The following CHST13 variants were observed in gnomAD, a reference collection of about 807,000 sequenced individuals.
CHST13 encodes carbohydrate sulfotransferase 13.
Under a neutral mutation model 7.0 loss-of-function variants are expected in CHST13, and 1 was observed. The ratio of observed to expected loss-of-function variants is 0.14; its 90% CI spans 0.05 to 0.68. CHST13 has a LOEUF of 0.68. Among genes scored for constraint, CHST13 ranks in the 30% least tolerant of loss-of-function variants. The pLI is 0.82. For synonymous variants in CHST13, 257 were observed against 240.9 expected (o/e 1.07, Z -0.62); for missense variants, 572 against 507.9 (o/e 1.13, Z -1.21).
At chr3:126,531,391 G>C (rs558662467) in intron 1 of CHST13, among the ~76,000 whole-genome samples, 4 of 152,360 alleles carry the variant, frequency 2.6e-5, no homozygotes, top group African/African-American at 7.2e-5. Context: ...TCTTCTTAGC[G>C]ACATTTATAG....
chr3:126,524,243 G>T lies in CHST13; in HGVS notation c.-90G>T, dbSNP rs1015702936. The T allele has an allele frequency of 1.4e-5, 15 of 1,055,134 alleles. No individual in the cohort carries two copies. Among genetic ancestry groups the T allele is most frequent in the Non-Finnish European group, 1.7e-5 (14 of 837,686 alleles). The allele number at this position is 1,055,134 out of a possible 1,614,324, so 65.4% of individuals were successfully genotyped here. A position where few individuals can be genotyped will look rare whatever the true frequency, so the allele number is the denominator to read the frequency against. On this transcript the variant is annotated 5_prime_UTR_variant, in exon 1 of 3. Transcript: ENST00000319340. ...CGCCGCGCCGCGCGTCTTGGTAGGCGCTGCGCTGCCGGGGCCGGGTCCTGG... is the reference window on the plus strand; with the variant it reads ...CGCCGCGCCGCGCGTCTTGGTAGGCTCTGCGCTGCCGGGGCCGGGTCCTGG...
chr3:126,524,656 G>T, intron 1 of CHST13, among the ~76,000 whole-genome samples: 1 of 152,226 alleles, frequency 6.6e-6, no homozygotes, highest in Non-Finnish European at 1.5e-5. Flanking sequence ...TCCCAGAGCG[G>T]TGACTGTTTT....
At chr3:126,533,684 T>C (rs72982013) in intron 1 of CHST13, among the ~76,000 whole-genome samples, 17,584 of 152,182 alleles carry the variant, frequency 0.12, 1,642 homozygotes, top group African/African-American at 0.26. Context: ...GTAGTTCCCT[T>C]TTCTTGTGAT....
intron 1 of CHST13, among the ~76,000 whole-genome samples, chr3:126,531,769 A>C (rs1317203589): frequency 6.6e-6 from 1 of 152,262 alleles, no homozygotes; most frequent in Non-Finnish European, 1.5e-5. Context: ...GCTGATGGGA[A>C]CATTTGTGAA....
chr3:126,537,932 A>G (rs1873402), intron 2 of CHST13, among the ~76,000 whole-genome samples: 152,002 of 152,306 alleles, frequency 1, 75,851 homozygotes, highest in Middle Eastern at 1. Context: ...TAGAGCCAGC[A>G]AGGAATCCAG....
At position 126,542,533 on chromosome 3, in the gene CHST13, C is replaced by T; in HGVS notation, c.981C>T (p.Phe327=). 1.3e-6 allele frequency: 2 copies of T among 1,535,876 alleles called. No individual in the cohort carries two copies. The change falls in exon 3 of 3, where the codon TTC becomes TTT. Residue 327 remains phenylalanine, a synonymous_variant. Coordinates refer to ENST00000319340, the MANE Select transcript of CHST13 (RefSeq NM_152889.3). ...RRLFDLYKMD[F]LLFNYSAPSY... ...TCTTCGACCTCTACAAGATGGACTTCCTGCTTTTCAACTACTCCGCCCCCT... is the reference window on the plus strand; with the variant it reads ...TCTTCGACCTCTACAAGATGGACTTTCTGCTTTTCAACTACTCCGCCCCCT...
chr3:126,531,096 T>G (rs1936649599), intron 1 of CHST13, among the ~76,000 whole-genome samples: 1 of 152,280 alleles, frequency 6.6e-6, no homozygotes, highest in Non-Finnish European at 1.5e-5. Context: ...ACAGACCATA[T>G]TCTGCCTGCC....
chr3:126,525,741 G>A (rs1936525601), intron 1 of CHST13, among the ~76,000 whole-genome samples: 3 of 152,104 alleles, frequency 2.0e-5, no homozygotes, highest in Non-Finnish European at 4.4e-5. Context: ...CTGAGTGCCT[G>A]GGTCCCGGGG....
chr3:126,533,947 A>G (rs955647956), intron 1 of CHST13, among the ~76,000 whole-genome samples: 22 of 152,118 alleles, frequency 1.4e-4, no homozygotes, highest in African/African-American at 5.3e-4. Context: ...GTCAATTTCA[A>G]GAATTTCTGT....
chr3:126,541,946 C>T lies in CHST13; in HGVS notation c.394C>T (p.Arg132Cys), dbSNP rs933756121. 1.3e-6 allele frequency: 2 copies of T among 1,586,334 alleles called. No individual in the cohort carries two copies. The highest frequency in any genetic ancestry group is 1.7e-6 in the Non-Finnish European group (2 of 1,167,622). The change falls in exon 3 of 3, where the codon CGC becomes TGC. Residue 132 changes from arginine to cysteine, a missense_variant. Arg to Cys is a radical substitution (Grantham distance 180). Coordinates refer to ENST00000319340, the MANE Select transcript of CHST13 (RefSeq NM_152889.3). ...RVLLALSGQA[R>C]GDPRAISAQE... ...GCTGCTGGCGCTGAGCGGCCAAGCC[C>T]GCGGCGACCCGCGCGCCATCTCCGC...
chr3:126,536,896 A>AACACACACACACAC (rs10670471), intron 2 of CHST13, among the ~76,000 whole-genome samples: 135 of 140,484 alleles, frequency 9.6e-4, no homozygotes, highest in African/African-American at 2.8e-3. Flanking sequence ...CACACACACA[A>AACACACACACACAC]ACACACACAC....
At chr3:126,537,680 C>G (rs910607821) in intron 2 of CHST13, among the ~76,000 whole-genome samples, 2 of 152,230 alleles carry the variant, frequency 1.3e-5, no homozygotes, top group African/African-American at 4.8e-5. Flanking sequence ...CAGATGGCCC[C>G]TCACAGCCTG....
chr3:126,525,704 G>A (rs1270660960), intron 1 of CHST13, among the ~76,000 whole-genome samples: 1 of 152,122 alleles, frequency 6.6e-6, no homozygotes, highest in Non-Finnish European at 1.5e-5. Context: ...GGCCCCTCAG[G>A]GCTCAGCGTG....
At chr3:126,536,870 C>G (rs1234877416) in intron 2 of CHST13, among the ~76,000 whole-genome samples, 1 of 142,384 alleles carries the variant, frequency 7.0e-6, no homozygotes, top group African/African-American at 2.8e-5. Flanking sequence ...CTGGCTCTCT[C>G]TCTCTCTTTC....
chr3:126,542,485 C>G lies in CHST13; in HGVS notation c.933C>G (p.Ile311Met). 6.3e-7 allele frequency: 1 copy of G among 1,582,612 alleles called. No homozygotes were observed. The highest frequency in any genetic ancestry group is 8.6e-7 in the Non-Finnish European group (1 of 1,168,018). ...RDLAARLFRD[I>M]SPFYQRRLFD... ...TGGCAGCGCGCCTCTTCCGGGACAT[C>G]AGCCCCTTCTACCAGCGGCGCCTCT... is the stretch of plus-strand genomic sequence containing the variant. The change falls in exon 3 of 3, where the codon ATC (isoleucine) becomes ATG (methionine). Residue 311 changes from isoleucine (I) to methionine (M), a missense_variant. Coordinates refer to ENST00000319340, the MANE Select transcript of CHST13 (RefSeq NM_152889.3).
At position 126,524,263 on chromosome 3, in the gene CHST13, T is replaced by G; in HGVS notation, c.-70T>G. The G allele has an allele frequency of 2.6e-6, 3 of 1,159,646 alleles. No homozygotes were observed. Among genetic ancestry groups the G allele is most frequent in the Non-Finnish European group, 3.2e-6 (3 of 929,704 alleles). 71.8% of individuals were successfully genotyped at this position (1,159,646 alleles called of 1,614,324 possible). A position where few individuals can be genotyped will look rare whatever the true frequency, so the allele number is the denominator to read the frequency against. ...TAGGCGCTGCGCTGCCGGGGCCGGGTCCTGGGCCAGTGCAACTCCGCCCCC... is the reference window on the plus strand; with the variant it reads ...TAGGCGCTGCGCTGCCGGGGCCGGGGCCTGGGCCAGTGCAACTCCGCCCCC... On this transcript the variant is annotated 5_prime_UTR_variant, in exon 1 of 3. Coordinates refer to ENST00000319340, the MANE Select transcript of CHST13 (RefSeq NM_152889.3).
chr3:126,529,470 C>T (rs1936604956), intron 1 of CHST13: 2 of 1,126,798 alleles, frequency 1.8e-6, no homozygotes, highest in African/African-American at 3.2e-5. Context: ...CACCGGTGGC[C>T]TGGGGTCAAA....
At position 126,541,964 on chromosome 3, in the gene CHST13, A is replaced by G. The variant is rs1186275136; in HGVS notation, c.412A>G (p.Ile138Val). The change falls in exon 3 of 3, where the codon ATC becomes GTC. Residue 138 changes from isoleucine (I) to valine (V), a missense_variant. Transcript: ENST00000319340. ...SGQARGDPRA[I>V]SAQEAHAPGR... ...CCAAGCCCGCGGCGACCCGCGCGCC[A>G]TCTCCGCGCAAGAGGCGCACGCGCC... 5 of 1,584,274 alleles carry G rather than the reference A, an allele frequency of 3.2e-6. No individual in the cohort carries two copies. Among genetic ancestry groups the G allele is most frequent in the Non-Finnish European group, 4.3e-6 (5 of 1,167,388 alleles).
chr3:126,536,479 C>A (rs1936793613), intron 2 of CHST13, 126 bp downstream of exon 2: 1 of 678,470 alleles, frequency 1.5e-6, no homozygotes, highest in Non-Finnish European at 2.5e-6. Context: ...GCATCCTCCC[C>A]AAACCAGGCT....
Sources: gnomAD v4.1 joint callset for allele counts (sites outside exome capture counted in the v4.1 genomes callset) on GRCh38, gnomAD v4.1.1 for gene constraint, MANE v1.5 for transcripts, NCBI Gene and HGNC (gene_info 2026-07-23, HGNC 2026-07-21) for gene names.